Variants in NRG3 observed in about 807,000 individuals in gnomAD.
The protein encoded by NRG3 is pro-neuregulin-3, membrane-bound isoform.
A neutral mutation model predicts 66.9 loss-of-function variants in NRG3; 31 were observed. That is an observed-to-expected ratio of 0.46 (90% CI 0.35 to 0.63). The LOEUF (loss-of-function observed/expected upper bound fraction) is 0.63, where lower values mean the gene tolerates loss of function less well. Among genes scored for constraint, NRG3 ranks in the 20% least tolerant of loss-of-function variants. NRG3 has a pLI of 0.00. For synonymous variants in NRG3, 393 were observed against 359.4 expected, an observed-to-expected ratio of 1.09 and a Z score of -1.06; for missense variants, 910 against 878.9, an observed-to-expected ratio of 1.04 and a Z score of -0.45.
chr10:82,055,114 G>A (rs1343214823), intron 1 of NRG3, among the ~76,000 whole-genome samples: 1 of 151,970 alleles, frequency 6.6e-6, no homozygotes, highest in Non-Finnish European at 1.5e-5. Context: ...GGAAAAAAGA[G>A]CCACAGTCTC....
chr10:82,077,182 A>G (rs2065136862), intron 1 of NRG3, among the ~76,000 whole-genome samples: 1 of 152,220 alleles, frequency 6.6e-6, no homozygotes, highest in Non-Finnish European at 1.5e-5. Context: ...TTCTGTAATA[A>G]TATTAATGTC....
chr10:82,178,495 G>A (rs1331336840), intron 1 of NRG3, among the ~76,000 whole-genome samples: 1 of 152,132 alleles, frequency 6.6e-6, no homozygotes, highest in Non-Finnish European at 1.5e-5. Context: ...TTCTGTGACT[G>A]ACTTATTTCA....
At chr10:82,359,019 C>A (rs1318078570) in intron 2 of NRG3, 151 bp downstream of exon 2, 3 of 1,125,426 alleles carry the variant, frequency 2.7e-6, no homozygotes, top group Non-Finnish European at 2.5e-6. Context: ...TTGGAAAGGG[C>A]AAGGCTGCTG....
intron 1 of NRG3, among the ~76,000 whole-genome samples, chr10:81,912,293 C>G (rs1346614014): frequency 6.6e-6 from 1 of 152,142 alleles, no homozygotes; most frequent in African/African-American, 2.4e-5. Context: ...GCAGTCATAG[C>G]TCACCGTAGC....
intron 1 of NRG3, among the ~76,000 whole-genome samples, chr10:82,167,078 A>T (rs888338811): frequency 6.6e-6 from 1 of 151,950 alleles, no homozygotes; most frequent in Admixed American, 6.6e-5. Flanking sequence ...GCACCTTTAT[A>T]TAGTTTTATT....
chr10:82,904,023 C>T (rs1844482722), intron 4 of NRG3, among the ~76,000 whole-genome samples: 1 of 152,128 alleles, frequency 6.6e-6, no homozygotes, highest in African/African-American at 2.4e-5. Context: ...TTTACATTAT[C>T]AGCTTGTATT....
intron 2 of NRG3, among the ~76,000 whole-genome samples, chr10:82,545,184 C>T (rs1330393499): frequency 6.6e-6 from 1 of 151,938 alleles, no homozygotes; most frequent in Non-Finnish European, 1.5e-5. Flanking sequence ...GAGCTGGTTT[C>T]CCTTTTCTTT....
intron 1 of NRG3, among the ~76,000 whole-genome samples, chr10:81,902,135 TA>T (rs752942608): frequency 2.0e-5 from 3 of 152,188 alleles, no homozygotes; most frequent in African/African-American, 4.8e-5. Flanking sequence ...TCTCTATAAT[TA>T]ACCTCACAGG....
intron 3 of NRG3, among the ~76,000 whole-genome samples, chr10:82,863,575 A>G (rs1182548029): frequency 6.6e-6 from 1 of 152,120 alleles, no homozygotes; most frequent in African/African-American, 2.4e-5. Context: ...ATGGTATCTC[A>G]TTGTGGTTTT....
chr10:82,469,909 T>G (rs1437354544), intron 2 of NRG3, among the ~76,000 whole-genome samples: 2 of 152,218 alleles, frequency 1.3e-5, no homozygotes, highest in African/African-American at 4.8e-5. Flanking sequence ...TTCCCTTGCA[T>G]CTTTGAATGT....
intron 4 of NRG3, among the ~76,000 whole-genome samples, chr10:82,915,474 A>T (rs957465326): frequency 1.3e-5 from 2 of 152,194 alleles, no homozygotes; most frequent in Admixed American, 6.5e-5. Flanking sequence ...AATACAGTAA[A>T]TTTTTTAAAA....
intron 1 of NRG3, among the ~76,000 whole-genome samples, chr10:81,912,405 A>G (rs1419232009): frequency 6.6e-6 from 1 of 152,086 alleles, no homozygotes; most frequent in East Asian, 1.9e-4. Flanking sequence ...AATTTTTTGT[A>G]GAGATGAGGT....
intron 2 of NRG3, 91 bp downstream of exon 2, chr10:82,358,959 C>G: frequency 1.3e-6 from 2 of 1,550,740 alleles, no homozygotes; most frequent in Non-Finnish European, 1.8e-6. Context: ...GTGTCATATC[C>G]GGGATACACA....
chr10:82,149,511 C>T (rs901957806), intron 1 of NRG3, among the ~76,000 whole-genome samples: 16 of 152,106 alleles, frequency 1.1e-4, no homozygotes, highest in African/African-American at 3.1e-4. Context: ...TACTTGTAAT[C>T]GGAGCTTTTC....
At chr10:82,197,260 C>G (rs1220272175) in intron 1 of NRG3, among the ~76,000 whole-genome samples, 1 of 152,120 alleles carries the variant, frequency 6.6e-6, no homozygotes, top group Non-Finnish European at 1.5e-5. Flanking sequence ...GAAATCTGCT[C>G]TTTTGAACAA....
intron 7 of NRG3, among the ~76,000 whole-genome samples, chr10:82,977,506 G>A (rs1041064056): frequency 1.8e-4 from 28 of 151,860 alleles, no homozygotes; most frequent in Non-Finnish European, 7.4e-5. Flanking sequence ...CTACTTGGGA[G>A]GCTGGGGCAG....
intron 4 of NRG3, among the ~76,000 whole-genome samples, chr10:82,906,307 A>C (rs1037413761): frequency 2.6e-5 from 4 of 152,242 alleles, no homozygotes; most frequent in Non-Finnish European, 5.9e-5. Context: ...ACGTCGTATC[A>C]TAATTTATAC....
In NRG3 at chr10:81,987,369, G is replaced by A. The variant is rs1462034601; in HGVS notation, c.823+111206G>A. On this transcript the variant is annotated intron_variant, in intron 1 of 8. Transcript: ENST00000372141. Reference sequence around the variant, plus strand: ...CAAAGTTCTGGGATGACAGGCGTGAGCCACCATGCCTGGCCTATTTTTAAG... The same window carrying A: ...CAAAGTTCTGGGATGACAGGCGTGAACCACCATGCCTGGCCTATTTTTAAG... Among the ~76,000 whole-genome samples, 4 of 152,222 alleles carry A rather than the reference G, an allele frequency of 2.6e-5. No individual in the cohort carries two copies. In the East Asian group the frequency reaches 5.8e-4, roughly 22 times the overall value.
chr10:82,111,775 C>A (rs2132248914), intron 1 of NRG3, among the ~76,000 whole-genome samples: 1 of 152,252 alleles, frequency 6.6e-6, no homozygotes, highest in East Asian at 1.9e-4. Context: ...GCCCAGTAGG[C>A]CTATCAAATT....
Sources: allele counts gnomAD v4.1 joint callset (sites outside exome capture counted in the v4.1 genomes callset), GRCh38; gene constraint gnomAD v4.1.1; transcripts MANE v1.5; gene names NCBI Gene and HGNC (gene_info 2026-07-23, HGNC 2026-07-21).